PDZD2: variants seen among roughly 807,000 people sequenced by gnomAD.
PDZD2 encodes PDZ domain-containing protein 2.
PDZD2 carries 90 observed loss-of-function variants against 220.7 expected under a neutral mutation model. The ratio of observed to expected loss-of-function variants is 0.41; its 90% CI spans 0.34 to 0.49. PDZD2 has a LOEUF of 0.49. Among genes scored for constraint, PDZD2 ranks in the 20% least tolerant of loss-of-function variants. PDZD2 has a pLI of 0.28. For missense variants in PDZD2, 3,174 were observed against 3,608.5 expected (o/e 0.88, Z 3.08); for synonymous variants, 1,375 against 1,450.5 (o/e 0.95, Z 1.18).
chr5:31,776,416 G>A (rs1415814322), intron 1 of PDZD2, among the ~76,000 whole-genome samples: 1 of 151,630 alleles, frequency 6.6e-6, no homozygotes, highest in Non-Finnish European at 1.5e-5. Context: ...ATCCTTTCGG[G>A]TCCCTACCCT....
At chr5:31,655,206 T>C (rs1231780377) in intron 1 of PDZD2, among the ~76,000 whole-genome samples, 1 of 152,204 alleles carries the variant, frequency 6.6e-6, no homozygotes, top group Non-Finnish European at 1.5e-5. Flanking sequence ...AGAGTCTCAC[T>C]CTGTCACCCA....
intron 7 of PDZD2, among the ~76,000 whole-genome samples, chr5:32,043,005 G>T (rs1031448941): frequency 1.6e-4 from 25 of 152,206 alleles, no homozygotes; most frequent in African/African-American, 6.0e-4. Context: ...CTCAGTCAAT[G>T]CCGGGAAAAA....
At chr5:32,092,761 T>C in intron 20 of PDZD2, 146 bp from the exon 21 acceptor site, 2 of 491,566 alleles carry the variant, frequency 4.1e-6, no homozygotes, top group Non-Finnish European at 7.2e-6. Context: ...TTCCATTAGT[T>C]TGGAATGGAA....
intron 1 of PDZD2, among the ~76,000 whole-genome samples, chr5:31,753,224 G>C (rs1376108725): frequency 6.6e-6 from 1 of 152,052 alleles, no homozygotes; most frequent in Non-Finnish European, 1.5e-5. Flanking sequence ...TCTTCATAAC[G>C]CTCTTTAAGC....
At chr5:31,929,464 A>G (rs1334101401) in intron 2 of PDZD2, among the ~76,000 whole-genome samples, 2 of 152,232 alleles carry the variant, frequency 1.3e-5, no homozygotes, top group East Asian at 3.9e-4. Context: ...ACAGTTTAAA[A>G]TATCTGCGGA....
At chr5:31,899,166 G>A (rs1218738297) in intron 2 of PDZD2, among the ~76,000 whole-genome samples, 1 of 150,006 alleles carries the variant, frequency 6.7e-6, no homozygotes, top group Non-Finnish European at 1.5e-5. Flanking sequence ...TTGCTCTGTC[G>A]CCCAGGCTGG....
At chr5:31,952,872 C>T (rs1747304045) in intron 2 of PDZD2, among the ~76,000 whole-genome samples, 2 of 151,944 alleles carry the variant, frequency 1.3e-5, no homozygotes, top group Admixed American at 1.3e-4. Context: ...CCAGCCTGGC[C>T]AACATGGTGA....
intron 2 of PDZD2, among the ~76,000 whole-genome samples, chr5:31,901,444 G>A (rs1276213706): frequency 6.6e-6 from 1 of 151,454 alleles, no homozygotes; most frequent in African/African-American, 2.4e-5. Flanking sequence ...GAAGAAAGGT[G>A]ACTTTAAGTT....
At chr5:31,835,886 C>T (rs1295846208) in intron 2 of PDZD2, among the ~76,000 whole-genome samples, 1 of 152,124 alleles carries the variant, frequency 6.6e-6, no homozygotes, top group Non-Finnish European at 1.5e-5. Context: ...TGAAAATGCA[C>T]GTCTTGGGTT....
chr5:31,666,358 C>T (rs73751819), intron 1 of PDZD2, among the ~76,000 whole-genome samples: 1,806 of 152,300 alleles, frequency 0.012, 31 homozygotes, highest in African/African-American at 0.041. Context: ...TTTTTAAATA[C>T]GAGAAATGAG....
At chr5:31,761,127 A>G (rs1751624391) in intron 1 of PDZD2, among the ~76,000 whole-genome samples, 1 of 152,082 alleles carries the variant, frequency 6.6e-6, no homozygotes, top group African/African-American at 2.4e-5. Context: ...TGGGGGTTGA[A>G]CTGTAAAGAG....
chr5:32,095,328 C>T (rs556125186), intron 21 of PDZD2, among the ~76,000 whole-genome samples: 2 of 152,348 alleles, frequency 1.3e-5, no homozygotes, highest in South Asian at 4.1e-4. Flanking sequence ...TCACTGTCTT[C>T]AGAGAGGAGC....
intron 2 of PDZD2, among the ~76,000 whole-genome samples, chr5:31,849,400 C>T (rs1230244059): frequency 1.3e-5 from 2 of 152,046 alleles, no homozygotes; most frequent in African/African-American, 2.4e-5. Flanking sequence ...ATGAGATAAT[C>T]TAAATAAAGT....
intron 1 of PDZD2, among the ~76,000 whole-genome samples, chr5:31,717,691 A>T (rs1348922413): frequency 1.3e-5 from 2 of 152,164 alleles, no homozygotes; most frequent in Non-Finnish European, 2.9e-5. Context: ...GCCTGGTTAG[A>T]GTGGGACGTC....
At chr5:31,677,023 G>T (rs426576) in intron 1 of PDZD2, among the ~76,000 whole-genome samples, 56,347 of 151,960 alleles carry the variant, frequency 0.37, 10,965 homozygotes, top group East Asian at 0.76. Context: ...GTAGGCCTTT[G>T]TGTCCCCTCG....
chr5:31,995,522 C>T, intron 3 of PDZD2, 54 bp from the exon 4 acceptor site: 1 of 1,605,564 alleles, frequency 6.2e-7, no homozygotes, highest in Non-Finnish European at 8.5e-7. Flanking sequence ...TCTCCTGTGT[C>T]AATGCCGTGT....
intron 6 of PDZD2, among the ~76,000 whole-genome samples, chr5:32,015,221 C>T (rs1243801628): frequency 2.0e-5 from 3 of 151,964 alleles, no homozygotes; most frequent in Admixed American, 6.6e-5. Context: ...GGATTACAGT[C>T]GGTAGCCACC....
chr5:31,998,828 C>T (rs1440232078), intron 4 of PDZD2, among the ~76,000 whole-genome samples: 1 of 152,266 alleles, frequency 6.6e-6, no homozygotes, highest in Non-Finnish European at 1.5e-5. Flanking sequence ...CACATGCAGG[C>T]CACAGGTTGG....
At chr5:31,661,230 T>C (rs1745750189) in intron 1 of PDZD2, 1 of 152,256 alleles carries the variant, frequency 6.6e-6, no homozygotes, top group Admixed American at 6.5e-5. Flanking sequence ...TGGCTCATGC[T>C]GAGGAGGTCA....
Sources: allele counts gnomAD v4.1 joint callset (sites outside exome capture counted in the v4.1 genomes callset), GRCh38; gene constraint gnomAD v4.1.1; transcripts MANE v1.5; gene names NCBI Gene and HGNC (gene_info 2026-07-23, HGNC 2026-07-21).